Variants in PPP4R3B observed in about 807,000 individuals in gnomAD.
PPP4R3B encodes the protein serine/threonine-protein phosphatase 4 regulatory subunit 3B.
Under a neutral mutation model 95.4 loss-of-function variants are expected in PPP4R3B, and 52 were observed. That is an observed-to-expected ratio of 0.54 (90% confidence interval 0.44 to 0.69). The LOEUF (loss-of-function observed/expected upper bound fraction) is 0.69, where lower values mean the gene tolerates loss of function less well. PPP4R3B is among the 30% of genes least tolerant of loss of function. The probability of loss-of-function intolerance (pLI) is 0.00; values close to 1 mark genes in which losing one functional copy is unlikely to be tolerated. For synonymous variants in PPP4R3B, 407 were observed against 343.9 expected, an observed-to-expected ratio of 1.18 and a Z score of -2.03; for missense variants, 1,003 against 1,005.9, an observed-to-expected ratio of 1.00 and a Z score of 0.04.
chr2:55,614,496 T>A (rs1034604770), intron 2 of PPP4R3B: 1 of 152,158 alleles, frequency 6.6e-6, no homozygotes, highest in Non-Finnish European at 1.5e-5. Flanking sequence ...AGAATACATG[T>A]AAGAGTATGA....
rs757432276 is a variant in PPP4R3B at position 55,617,457 on chromosome 2, G to A, written c.-172C>T. 3 of 660,246 alleles carry A rather than the reference G, an allele frequency of 4.5e-6. No individual in the cohort carries two copies. Among genetic ancestry groups the A allele is most frequent in the African/African-American group, 1.8e-5 (1 of 54,342 alleles). 40.9% of individuals were successfully genotyped at this position (660,246 alleles called of 1,614,324 possible). ...TCAGCCGCGAGAAGGGGTGACAAGA[G>A]CCACTGAGGCCTCTCCGCCCGGAGG... On this transcript the variant is annotated 5_prime_UTR_variant, in exon 1 of 17. Transcript: ENST00000616407.
chr2:55,567,954 G>A (rs530100810), intron 13 of PPP4R3B: 28 of 222,270 alleles, frequency 1.3e-4, no homozygotes, highest in Admixed American at 5.1e-4. Context: ...AAATATTAGC[G>A]TTAAAAAATA....
In PPP4R3B at chr2:55,550,045, T is replaced by C. The variant is rs151116027; in HGVS notation, c.2455-39A>G. 7.2e-5 allele frequency: 102 copies of C among 1,419,062 alleles called. No homozygotes were observed. In the African/African-American group the frequency reaches 1.4e-3, roughly 19 times the overall value. 87.9% of individuals were successfully genotyped at this position (1,419,062 alleles called of 1,614,324 possible). A position where few individuals can be genotyped will look rare whatever the true frequency, so the allele number is the denominator to read the frequency against. On this transcript the variant is annotated intron_variant, in intron 16 of 16. Coordinates refer to ENST00000616407, the MANE Select transcript of PPP4R3B (RefSeq NM_001122964.3). ...TAAAAATTTTTTCTTTAAACATATA[T>C]AACAAAAAAGAGCTTTTAGTACAAA...
chr2:55,604,595 T>C (rs528392218), intron 2 of PPP4R3B, among the ~76,000 whole-genome samples: 12 of 152,194 alleles, frequency 7.9e-5, no homozygotes, highest in African/African-American at 2.6e-4. Flanking sequence ...CAAAGCTATT[T>C]GCTCTTATTT....
intron 2 of PPP4R3B, among the ~76,000 whole-genome samples, chr2:55,609,594 G>C (rs1199898013): frequency 6.6e-6 from 1 of 151,276 alleles, no homozygotes; most frequent in Admixed American, 6.6e-5. Context: ...CCTGAGCGCA[G>C]GAAGTTAAAG....
At chr2:55,588,849 C>T in intron 5 of PPP4R3B, 30 bp downstream of exon 5, 1 of 1,469,514 alleles carries the variant, frequency 6.8e-7, no homozygotes, top group South Asian at 1.3e-5. Context: ...AGAATAAGTG[C>T]TCTTTAAGAG....
At position 55,598,791 on chromosome 2, in the gene PPP4R3B, G is replaced by A. The variant is rs563376009; in HGVS notation, c.546C>T (p.Cys182=). ...IKKLLQLFQA[C]ENLENTEGLH... is the part of the protein sequence containing the mutation. ...AGCCTTCAGTGTTTTCTAGGTTCTC[G>A]CAAGCTTGGAACAGCTGCAATAGTT... The change falls in exon 4 of 17, where the codon TGC becomes TGT. Residue 182 remains cysteine (C), a synonymous_variant. Transcript: ENST00000616407. The A allele has an allele frequency of 8.7e-6, 14 of 1,614,172 alleles. No homozygotes were observed. Among genetic ancestry groups the A allele is most frequent in the Middle Eastern group, 1.7e-4 (1 of 6,060 alleles).
chr2:55,595,279 C>A (rs1178595683), intron 4 of PPP4R3B, among the ~76,000 whole-genome samples: 1 of 151,444 alleles, frequency 6.6e-6, no homozygotes. Flanking sequence ...CTGGCCTTGG[C>A]CTCCCAAAGT....
intron 5 of PPP4R3B, among the ~76,000 whole-genome samples, chr2:55,587,498 C>T (rs564534227): frequency 2.6e-4 from 40 of 152,164 alleles, no homozygotes; most frequent in Non-Finnish European, 5.3e-4. Flanking sequence ...GCACGAGAAG[C>T]GCTTGAACCC....
chr2:55,588,526 AAAAAAG>A (rs1350218728), intron 5 of PPP4R3B, among the ~76,000 whole-genome samples: 137 of 151,912 alleles, frequency 9.0e-4, no homozygotes, highest in Non-Finnish European at 1.6e-3. Flanking sequence ...AAAAAAAAAA[AAAAAAG>A]AAAAAGAAAA....
At chr2:55,601,096 G>C (rs1485161494) in intron 3 of PPP4R3B, among the ~76,000 whole-genome samples, 1 of 136,526 alleles carries the variant, frequency 7.3e-6, no homozygotes, top group African/African-American at 2.8e-5. Context: ...AGTGAGCTTA[G>C]ATCACACCAC....
chr2:55,596,372 G>C (rs111751984), intron 4 of PPP4R3B, among the ~76,000 whole-genome samples: 137 of 152,112 alleles, frequency 9.0e-4, no homozygotes, highest in Non-Finnish European at 1.7e-3. Flanking sequence ...TTCAACAAAC[G>C]AATCCTCGGG....
At chr2:55,568,994 T>C (rs537916047) in intron 12 of PPP4R3B, among the ~76,000 whole-genome samples, 3 of 152,148 alleles carry the variant, frequency 2.0e-5, no homozygotes, top group South Asian at 2.1e-4. Context: ...AAAATAAGAA[T>C]AGTTATACTA....
intron 2 of PPP4R3B, among the ~76,000 whole-genome samples, chr2:55,610,792 TA>T (rs1414791976): frequency 6.6e-6 from 1 of 151,816 alleles, no homozygotes; most frequent in African/African-American, 2.4e-5. Flanking sequence ...TGCCTCCAAA[TA>T]AAACTGCAAT....
At chr2:55,608,585 A>C (rs1693733589) in intron 2 of PPP4R3B, among the ~76,000 whole-genome samples, 1 of 152,148 alleles carries the variant, frequency 6.6e-6, no homozygotes. Flanking sequence ...GCAATCTCCC[A>C]ATGAGTTTCC....
At chr2:55,553,899 ACTG>A (rs1685536432) in intron 16 of PPP4R3B, among the ~76,000 whole-genome samples, 1 of 152,208 alleles carries the variant, frequency 6.6e-6, no homozygotes, top group South Asian at 2.1e-4. Context: ...TATGAAAAAT[ACTG>A]CTATTAACAT....
chr2:55,612,628 C>T lies in PPP4R3B; in HGVS notation c.198+2823G>A, dbSNP rs553991783. Reference sequence around the variant, plus strand: ...TAGCCTGGACAACATAACGAGACCCCATCTTTACAAATTTTTTAAAAAATT... The same window carrying T: ...TAGCCTGGACAACATAACGAGACCCTATCTTTACAAATTTTTTAAAAAATT... On this transcript the variant is annotated intron_variant, in intron 2 of 16. Transcript: ENST00000616407. 6.6e-5 allele frequency among the ~76,000 whole-genome samples: 10 copies of T among 152,136 alleles called. 1 individual carries two copies. Among genetic ancestry groups the T allele is most frequent in the African/African-American group, 2.4e-4 (10 of 41,494 alleles).
At chr2:55,562,890 C>T (rs1179110343) in intron 15 of PPP4R3B, among the ~76,000 whole-genome samples, 1 of 152,230 alleles carries the variant, frequency 6.6e-6, no homozygotes, top group East Asian at 1.9e-4. Flanking sequence ...CTAGTAATTT[C>T]TCTCACAAGT....
rs550850073 is a variant in PPP4R3B at position 55,608,153 on chromosome 2, T to C, written c.199-4077A>G. Reference sequence around the variant, plus strand: ...CTGAGTAGCTGGGATTACAGGCGTGTGCCACCACACCGGATTAATTTTTGT... The same window carrying C: ...CTGAGTAGCTGGGATTACAGGCGTGCGCCACCACACCGGATTAATTTTTGT... On this transcript the variant is annotated intron_variant, in intron 2 of 16. Transcript: ENST00000616407. Among the ~76,000 whole-genome samples the C allele has an allele frequency of 2.0e-4, 31 of 152,084 alleles. 1 individual carries two copies. The highest frequency in any genetic ancestry group is 3.2e-3 in the Middle Eastern group (1 of 316).
Sources: allele counts gnomAD v4.1 joint callset (sites outside exome capture counted in the v4.1 genomes callset), GRCh38; gene constraint gnomAD v4.1.1; transcripts MANE v1.5; gene names NCBI Gene and HGNC (gene_info 2026-07-23, HGNC 2026-07-21).